PPM1H: variants seen among roughly 807,000 people sequenced by gnomAD.
The protein encoded by PPM1H is protein phosphatase 1H.
A neutral mutation model predicts 54.9 loss-of-function variants in PPM1H; 27 were observed. The ratio of observed to expected loss-of-function variants is 0.49; its 90% CI spans 0.36 to 0.68. The LOEUF (loss-of-function observed/expected upper bound fraction) is 0.68. Among genes scored for constraint, PPM1H ranks in the 30% least tolerant of loss-of-function variants. The probability of loss-of-function intolerance (pLI) is 0.00; values close to 1 mark genes in which losing one functional copy is unlikely to be tolerated. For synonymous variants in PPM1H, 305 were observed against 270.8 expected, an observed-to-expected ratio of 1.13 and a Z score of -1.24; for missense variants, 596 against 667.8, an observed-to-expected ratio of 0.89 and a Z score of 1.19.
At chr12:62,807,020 G>A (rs573183844) in intron 2 of PPM1H, among the ~76,000 whole-genome samples, 1 of 152,276 alleles carries the variant, frequency 6.6e-6, no homozygotes, top group South Asian at 2.1e-4. Context: ...ATGAGATAAG[G>A]AGGGGAGGGG....
intron 8 of PPM1H, among the ~76,000 whole-genome samples, chr12:62,689,448 T>G (rs895613129): frequency 6.6e-6 from 1 of 152,088 alleles, no homozygotes; most frequent in Non-Finnish European, 1.5e-5. Context: ...CTGCAATAAG[T>G]AGCATGGATT....
chr12:62,929,704 A>G (rs1872074632), intron 1 of PPM1H, among the ~76,000 whole-genome samples: 1 of 152,130 alleles, frequency 6.6e-6, no homozygotes, highest in Admixed American at 6.5e-5. Flanking sequence ...CATCCCCAGG[A>G]GCTCCACCTA....
chr12:62,830,986 TG>T (rs1200226229), intron 2 of PPM1H, among the ~76,000 whole-genome samples: 1 of 152,146 alleles, frequency 6.6e-6, no homozygotes, highest in Non-Finnish European at 1.5e-5. Flanking sequence ...CCTGAGTAGC[TG>T]GGATTACAGG....
intron 5 of PPM1H, among the ~76,000 whole-genome samples, chr12:62,729,936 G>A (rs1030402256): frequency 6.6e-6 from 1 of 151,996 alleles, no homozygotes; most frequent in Non-Finnish European, 1.5e-5. Flanking sequence ...CTTAACTGAT[G>A]ACATTTCACC....
At chr12:62,688,218 G>A (rs1211552477) in intron 8 of PPM1H, among the ~76,000 whole-genome samples, 1 of 152,074 alleles carries the variant, frequency 6.6e-6, no homozygotes, top group African/African-American at 2.4e-5. Flanking sequence ...GACAGAGGCT[G>A]CCCCTCCTTT....
chr12:62,918,493 T>C (rs1330270869), intron 1 of PPM1H, among the ~76,000 whole-genome samples: 1 of 152,340 alleles, frequency 6.6e-6, no homozygotes, highest in African/African-American at 2.4e-5. Flanking sequence ...TTTGGTAAAG[T>C]ACATTAAAGT....
intron 4 of PPM1H, among the ~76,000 whole-genome samples, chr12:62,778,562 C>A (rs1055733623): frequency 1.3e-5 from 2 of 152,104 alleles, no homozygotes; most frequent in Non-Finnish European, 2.9e-5. Flanking sequence ...TCCTCGAGTG[C>A]CTGAAAGGGA....
At chr12:62,841,094 A>T (rs76280777) in intron 1 of PPM1H, among the ~76,000 whole-genome samples, 1 of 152,108 alleles carries the variant, frequency 6.6e-6, no homozygotes. Flanking sequence ...GAGGAGAATG[A>T]GGTGCCACTG....
At chr12:62,796,999 T>G (rs1007676446) in intron 3 of PPM1H, among the ~76,000 whole-genome samples, 1 of 152,198 alleles carries the variant, frequency 6.6e-6, no homozygotes, top group African/African-American at 2.4e-5. Flanking sequence ...AAAAAGATAC[T>G]TATCACTTTG....
intron 4 of PPM1H, among the ~76,000 whole-genome samples, chr12:62,783,083 C>T (rs778259446): frequency 1.1e-4 from 16 of 152,190 alleles, no homozygotes; most frequent in South Asian, 4.1e-4. Context: ...CCTCCCACCT[C>T]GGCCTCCCAA....
intron 9 of PPM1H, 74 bp from the exon 10 acceptor site, chr12:62,648,710 G>A: frequency 6.7e-7 from 1 of 1,495,024 alleles, no homozygotes; most frequent in South Asian, 1.2e-5. Flanking sequence ...AGGCTGGGAA[G>A]GGGGAGGCAT....
chr12:62,900,656 A>T (rs1871142691), intron 1 of PPM1H, among the ~76,000 whole-genome samples: 1 of 152,024 alleles, frequency 6.6e-6, no homozygotes, highest in Non-Finnish European at 1.5e-5. Flanking sequence ...GGAGGTACTA[A>T]TATCTTCTGA....
chr12:62,732,192 G>A (rs1039686733), intron 5 of PPM1H, among the ~76,000 whole-genome samples: 1 of 152,132 alleles, frequency 6.6e-6, no homozygotes, highest in Non-Finnish European at 1.5e-5. Flanking sequence ...CATTCCGTGT[G>A]AACATGTCAA....
At chr12:62,761,091 T>C (rs542429801) in intron 4 of PPM1H, among the ~76,000 whole-genome samples, 1 of 151,958 alleles carries the variant, frequency 6.6e-6, no homozygotes, top group Non-Finnish European at 1.5e-5. Flanking sequence ...CAGCAAGAGA[T>C]AACAAAACCA....
chr12:62,871,500 G>A (rs537077694), intron 1 of PPM1H, among the ~76,000 whole-genome samples: 2 of 148,968 alleles, frequency 1.3e-5, no homozygotes, highest in Non-Finnish European at 3.0e-5. Flanking sequence ...GAAAACCACC[G>A]AACTGTGGTA....
intron 2 of PPM1H, among the ~76,000 whole-genome samples, chr12:62,825,856 C>A (rs1868285203): frequency 6.6e-6 from 1 of 151,108 alleles, no homozygotes; most frequent in East Asian, 1.9e-4. Flanking sequence ...ATATTGTGCG[C>A]ATGTACCCTA....
chr12:62,886,000 A>G (rs1870574523), intron 1 of PPM1H, among the ~76,000 whole-genome samples: 1 of 152,232 alleles, frequency 6.6e-6, no homozygotes, highest in East Asian at 1.9e-4. Flanking sequence ...CTACTGCTTT[A>G]CCTTAAATAA....
At chr12:62,817,138 AAAAAAAAAAAAACT>A (rs1565797656) in intron 2 of PPM1H, among the ~76,000 whole-genome samples, 1 of 84,976 alleles carries the variant, frequency 1.2e-5, no homozygotes, top group African/African-American at 9.7e-5. Context: ...AAAAAAAAAG[AAAAAAAAAAAAACT>A]AAAAAAAAGA....
At chr12:62,775,126 G>A (rs1393143056) in intron 4 of PPM1H, among the ~76,000 whole-genome samples, 2 of 152,156 alleles carry the variant, frequency 1.3e-5, no homozygotes, top group Non-Finnish European at 1.5e-5. Context: ...ATTGATAGAG[G>A]GACGGGAGGA....
Sources: allele counts gnomAD v4.1 joint callset (sites outside exome capture counted in the v4.1 genomes callset), GRCh38; gene constraint gnomAD v4.1.1; transcripts MANE v1.5; gene names NCBI Gene and HGNC (gene_info 2026-07-23, HGNC 2026-07-21).